MAML2: variants seen among roughly 807,000 people sequenced by gnomAD.
MAML2 encodes mastermind like transcriptional coactivator 2, also known as mastermind-like protein 2.
A neutral mutation model predicts 96.1 loss-of-function variants in MAML2; 22 were observed. The observed-to-expected ratio is 0.23, with a 90% CI of 0.16 to 0.33. MAML2 has a LOEUF of 0.33. Ranked by LOEUF, MAML2 falls within the 10% of genes least tolerant of loss-of-function variation. The pLI is 1.00. For synonymous variants in MAML2, 561 were observed against 521.3 expected, an observed-to-expected ratio of 1.08 and a Z score of -1.04; for missense variants, 1,367 against 1,392.4, an observed-to-expected ratio of 0.98 and a Z score of 0.29.
At chr11:96,229,906 G>T (rs1381070346) in intron 1 of MAML2, among the ~76,000 whole-genome samples, 1 of 152,104 alleles carries the variant, frequency 6.6e-6, no homozygotes, top group African/African-American at 2.4e-5. Context: ...TCAATTTGCA[G>T]TATTTTGGTA....
At chr11:96,034,434 A>T (rs525050) in intron 2 of MAML2, among the ~76,000 whole-genome samples, 13,963 of 72,652 alleles carry the variant, frequency 0.19, 688 homozygotes, top group Non-Finnish European at 0.24. Flanking sequence ...TGTGTGTGTG[A>T]GAGAGAGAGA....
intron 1 of MAML2, among the ~76,000 whole-genome samples, chr11:96,281,360 C>T (rs190095023): frequency 6.6e-6 from 1 of 152,026 alleles, no homozygotes; most frequent in Admixed American, 6.5e-5. Context: ...CTAGTGTTGC[C>T]GCTAGGGGTG....
chr11:96,176,755 T>A (rs1861393748), intron 1 of MAML2, among the ~76,000 whole-genome samples: 1 of 152,110 alleles, frequency 6.6e-6, no homozygotes, highest in Non-Finnish European at 1.5e-5. Context: ...AGGAAGTAGC[T>A]CTGGTTGTTG....
At chr11:96,321,319 G>A (rs1863696693) in intron 1 of MAML2, among the ~76,000 whole-genome samples, 1 of 152,208 alleles carries the variant, frequency 6.6e-6, no homozygotes, top group African/African-American at 2.4e-5. Flanking sequence ...AATCACGAGA[G>A]AAAGATGTCA....
At chr11:96,156,977 G>A (rs530304671) in intron 1 of MAML2, among the ~76,000 whole-genome samples, 1 of 152,312 alleles carries the variant, frequency 6.6e-6, no homozygotes, top group East Asian at 1.9e-4. Flanking sequence ...AAAGTCCCCA[G>A]CCATGTCTCA....
At chr11:96,009,213 A>C (rs574571171) in intron 2 of MAML2, among the ~76,000 whole-genome samples, 5 of 152,224 alleles carry the variant, frequency 3.3e-5, no homozygotes, top group Non-Finnish European at 7.3e-5. Context: ...ATTCGCATGT[A>C]TAGCAGTCCT....
chr11:96,322,527 C>T (rs2136012013), intron 1 of MAML2, among the ~76,000 whole-genome samples: 1 of 152,212 alleles, frequency 6.6e-6, no homozygotes, highest in East Asian at 1.9e-4. Flanking sequence ...CCCGTCTCTA[C>T]TAAAAATACA....
At chr11:96,206,951 T>G (rs1404490471) in intron 1 of MAML2, among the ~76,000 whole-genome samples, 1 of 152,084 alleles carries the variant, frequency 6.6e-6, no homozygotes, top group Non-Finnish European at 1.5e-5. Flanking sequence ...CACGATGAAG[T>G]GTTACCAGCA....
chr11:96,215,500 T>C (rs550395966), intron 1 of MAML2, among the ~76,000 whole-genome samples: 43 of 152,350 alleles, frequency 2.8e-4, no homozygotes, highest in African/African-American at 9.6e-4. Context: ...CAGTGGCCAG[T>C]AATTTCTCTG....
intron 1 of MAML2, among the ~76,000 whole-genome samples, chr11:96,337,634 C>T (rs767223538): frequency 8.5e-5 from 13 of 152,126 alleles, no homozygotes; most frequent in Non-Finnish European, 1.5e-4. Context: ...TATACGGATA[C>T]GTCAGTCTTA....
chr11:96,159,162 G>C (rs1861057999), intron 1 of MAML2, among the ~76,000 whole-genome samples: 1 of 152,106 alleles, frequency 6.6e-6, no homozygotes. Context: ...AGAAATCAGT[G>C]GTCAGTTTTT....
chr11:96,014,021 A>C (rs1052285232), intron 2 of MAML2, among the ~76,000 whole-genome samples: 1 of 152,138 alleles, frequency 6.6e-6, no homozygotes, highest in Non-Finnish European at 1.5e-5. Context: ...GGGCTTCAGG[A>C]GCCGTAAACA....
At chr11:96,212,600 C>T (rs1861988349) in intron 1 of MAML2, among the ~76,000 whole-genome samples, 1 of 152,178 alleles carries the variant, frequency 6.6e-6, no homozygotes, top group Non-Finnish European at 1.5e-5. Context: ...AGAGACAAGG[C>T]TGCTAACAAG....
At chr11:96,030,701 C>CA (rs1858599445) in intron 2 of MAML2, among the ~76,000 whole-genome samples, 1 of 152,120 alleles carries the variant, frequency 6.6e-6, no homozygotes, top group Non-Finnish European at 1.5e-5. Flanking sequence ...GACCCAGTTC[C>CA]AGAGGAAGGC....
chr11:95,985,141 T>G (rs1005842625), intron 4 of MAML2, among the ~76,000 whole-genome samples: 1 of 152,196 alleles, frequency 6.6e-6, no homozygotes, highest in Non-Finnish European at 1.5e-5. Flanking sequence ...GGAGATGGGC[T>G]CAATGGTGGA....
intron 2 of MAML2, among the ~76,000 whole-genome samples, chr11:96,035,775 T>G (rs2135751107): frequency 6.6e-6 from 1 of 152,320 alleles, no homozygotes; most frequent in South Asian, 2.1e-4. Flanking sequence ...AGATTTCTGT[T>G]CCATGAAATG....
Position 96,306,963 on chromosome 11 carries a change from G to A in MAML2, c.513+34420C>T, listed in dbSNP as rs76635508. Among the ~76,000 whole-genome samples the A allele has an allele frequency of 5.9e-3, 900 of 152,220 alleles. 11 individuals carry two copies. Among genetic ancestry groups the A allele is most frequent in the African/African-American group, 0.018 (740 of 41,528 alleles). On this transcript the variant is annotated intron_variant, in intron 1 of 4. Transcript: ENST00000524717. ...TATCATTTCCAAGTTGAAATAAAGCGTAATGTGAATACTCAGCACTCTATC... is the reference window on the plus strand; with the variant it reads ...TATCATTTCCAAGTTGAAATAAAGCATAATGTGAATACTCAGCACTCTATC...
chr11:96,039,066 C>T (rs929953241), intron 2 of MAML2, among the ~76,000 whole-genome samples: 1 of 152,120 alleles, frequency 6.6e-6, no homozygotes, highest in African/African-American at 2.4e-5. Context: ...GCTTAGGCAA[C>T]ATAGTGAGAC....
At chr11:96,300,090 G>A (rs1410738492) in intron 1 of MAML2, among the ~76,000 whole-genome samples, 2 of 152,158 alleles carry the variant, frequency 1.3e-5, no homozygotes, top group Non-Finnish European at 2.9e-5. Flanking sequence ...AATTGGGAGG[G>A]TGGAAGAGGA....
Sources: allele counts gnomAD v4.1 joint callset (sites outside exome capture counted in the v4.1 genomes callset), GRCh38; gene constraint gnomAD v4.1.1; transcripts MANE v1.5; gene names NCBI Gene and HGNC (gene_info 2026-07-23, HGNC 2026-07-21).